The following DIXDC1 variants were observed in gnomAD, a reference collection of about 807,000 sequenced individuals.
The protein encoded by DIXDC1 is dixin.
A neutral mutation model predicts 103.1 loss-of-function variants in DIXDC1; 64 were observed. The ratio of observed to expected loss-of-function variants is 0.62; its 90% confidence interval spans 0.51 to 0.76. DIXDC1 has a LOEUF of 0.76. Ranked by LOEUF, DIXDC1 falls within the 30% of genes least tolerant of loss-of-function variation. The pLI is 0.00. For synonymous variants in DIXDC1, 266 were observed against 298.5 expected (o/e 0.89, Z 1.12); for missense variants, 759 against 834.2 (o/e 0.91, Z 1.11).
chr11:111,939,252 G>A (rs1966334896), intron 1 of DIXDC1, among the ~76,000 whole-genome samples: 1 of 152,318 alleles, frequency 6.6e-6, no homozygotes, highest in South Asian at 2.1e-4. Flanking sequence ...CCTTTCGACT[G>A]AAGAGCCACC....
Position 111,977,826 on chromosome 11 carries a change from G to T in DIXDC1, c.656+2843G>T. ...TGAAGCCACTCTGGCTTTGGAAGTGGGGGGCCTGGGTGGGAACAGGGGCAG... is the reference window on the plus strand; with the variant it reads ...TGAAGCCACTCTGGCTTTGGAAGTGTGGGGCCTGGGTGGGAACAGGGGCAG... On this transcript the variant is annotated intron_variant, in intron 5 of 19. Transcript: ENST00000440460. The surrounding 1 kb of genome is among the most constrained non-coding windows in gnomAD (Gnocchi z 6.1). The T allele has an allele frequency of 1.3e-6, 2 of 1,544,614 alleles. No homozygotes were observed. Among genetic ancestry groups the T allele is most frequent in the East Asian group, 2.5e-5 (1 of 39,782 alleles).
At chr11:111,943,439 C>T (rs1316071360) in intron 1 of DIXDC1, among the ~76,000 whole-genome samples, 5 of 150,664 alleles carry the variant, frequency 3.3e-5, no homozygotes, top group African/African-American at 4.9e-5. Context: ...CCACCGCGCC[C>T]GGCTACGATT....
At chr11:111,950,810 G>A (rs1966780231) in intron 1 of DIXDC1, among the ~76,000 whole-genome samples, 1 of 152,078 alleles carries the variant, frequency 6.6e-6, no homozygotes, top group South Asian at 2.1e-4. Context: ...GGCTTATGAT[G>A]TATAATAATC....
intron 2 of DIXDC1, among the ~76,000 whole-genome samples, chr11:111,967,033 T>C (rs1859762234): frequency 6.6e-6 from 1 of 152,226 alleles, no homozygotes; most frequent in Non-Finnish European, 1.5e-5. Flanking sequence ...ACTTCTAGTT[T>C]TCTTCCTTCC....
chr11:111,944,613 T>G (rs1442233692), intron 1 of DIXDC1, among the ~76,000 whole-genome samples: 1 of 152,210 alleles, frequency 6.6e-6, no homozygotes, highest in Non-Finnish European at 1.5e-5. Context: ...ACTAGAAGAC[T>G]TTTACCTAAA....
At position 111,977,247 on chromosome 11, in the gene DIXDC1, A is replaced by G. The variant is rs1860134065; in HGVS notation, c.656+2264A>G. The stretch of plus-strand genomic sequence containing the variant: ...GGCCAGCGGAGCTGGCTTGGGTCGG[A>G]GCCCGGCTGCCTCGCCGCGTGTGAC... On this transcript the variant is annotated intron_variant, in intron 5 of 19. Coordinates refer to ENST00000440460, the MANE Select transcript of DIXDC1 (RefSeq NM_001037954.4). This position sits in a 1 kb window ranked among gnomAD's most constrained non-coding sequence, Gnocchi z 6.1. The G allele has an allele frequency of 1.0e-6, 1 of 998,416 alleles. No homozygotes were observed. Among genetic ancestry groups the G allele is most frequent in the Non-Finnish European group, 1.2e-6 (1 of 840,306 alleles). 61.8% of individuals were successfully genotyped at this position (998,416 alleles called of 1,614,324 possible). A position where few individuals can be genotyped will look rare whatever the true frequency, so the allele number is the denominator to read the frequency against.
At chr11:111,994,498 T>C (rs1555175054) in intron 14 of DIXDC1, among the ~76,000 whole-genome samples, 1 of 151,318 alleles carries the variant, frequency 6.6e-6, no homozygotes, top group Non-Finnish European at 1.5e-5. Flanking sequence ...CACACATATA[T>C]ACATACATAT....
At chr11:111,996,013 G>T in intron 16 of DIXDC1, 67 bp from the exon 17 acceptor site, 1 of 1,447,240 alleles carries the variant, frequency 6.9e-7, no homozygotes, top group South Asian at 1.2e-5. Flanking sequence ...ACACTTTTAT[G>T]ATTTAAATTT....
chr11:111,959,788 C>T (rs1566488680), intron 1 of DIXDC1, among the ~76,000 whole-genome samples: 1 of 152,148 alleles, frequency 6.6e-6, no homozygotes, highest in African/African-American at 2.4e-5. Context: ...TTTGCTAAGT[C>T]TAAGATTGTT....
At chr11:111,994,606 A>G (rs1555175083) in intron 14 of DIXDC1, among the ~76,000 whole-genome samples, 1 of 148,330 alleles carries the variant, frequency 6.7e-6, no homozygotes, top group African/African-American at 2.6e-5. Flanking sequence ...ATATGTATGT[A>G]TGTATATGTA....
intron 5 of DIXDC1, among the ~76,000 whole-genome samples, chr11:111,979,458 G>A (rs771009946): frequency 1.5e-4 from 23 of 152,310 alleles, no homozygotes; most frequent in African/African-American, 5.3e-4. Flanking sequence ...GGCTGGGCCC[G>A]GAGACCCCTC....
intron 1 of DIXDC1, among the ~76,000 whole-genome samples, chr11:111,961,822 A>G (rs1859588794): frequency 6.6e-6 from 1 of 152,258 alleles, no homozygotes; most frequent in South Asian, 2.1e-4. Context: ...TTTGTTGAGC[A>G]CCTGCTACTC....
Position 111,977,576 on chromosome 11 carries a change from C to CGAG in DIXDC1, c.656+2594_656+2596dup. On this transcript the variant is annotated intron_variant, in intron 5 of 19. Coordinates refer to ENST00000440460, the MANE Select transcript of DIXDC1 (RefSeq NM_001037954.4). The surrounding 1 kb of genome is among the most constrained non-coding windows in gnomAD (Gnocchi z 6.1). ...CCTGGAGCATCCCAGTCGCTGGGGC[C>CGAG]GAGACGCCGCCGCCGCCGCCGTTCC... The CGAG allele has an allele frequency of 6.7e-7, 1 of 1,496,646 alleles. No individual in the cohort carries two copies. The highest frequency in any genetic ancestry group is 8.9e-7 in the Non-Finnish European group (1 of 1,122,050). 92.7% of individuals were successfully genotyped at this position (1,496,646 alleles called of 1,614,324 possible).
In DIXDC1 at chr11:112,020,006, C is replaced by T. The variant is rs920102419; in HGVS notation, c.*970C>T. Reference sequence around the variant, plus strand: ...TACTGAGCATGAAGTACTTGTCTGCCCCTCATTTCAAGGCCAGAGTTATTT... The same window carrying T: ...TACTGAGCATGAAGTACTTGTCTGCTCCTCATTTCAAGGCCAGAGTTATTT... On this transcript the variant is annotated 3_prime_UTR_variant, in exon 20 of 20. Transcript: ENST00000440460. 19 of 151,968 alleles carry T rather than the reference C, an allele frequency of 1.3e-4. No individual in the cohort carries two copies. The highest frequency in any genetic ancestry group is 2.6e-4 in the Non-Finnish European group (18 of 68,012). 9.4% of individuals were successfully genotyped at this position (151,968 alleles called of 1,614,324 possible). A position where few individuals can be genotyped will look rare whatever the true frequency, so the allele number is the denominator to read the frequency against.
intron 10 of DIXDC1, among the ~76,000 whole-genome samples, chr11:111,991,381 A>G (rs1860708972): frequency 6.6e-6 from 1 of 152,224 alleles, no homozygotes; most frequent in South Asian, 2.1e-4. Flanking sequence ...TTAATGTCCC[A>G]TGGAGCACAT....
intron 1 of DIXDC1, among the ~76,000 whole-genome samples, chr11:111,959,550 C>A (rs1465406085): frequency 6.6e-6 from 1 of 152,238 alleles, no homozygotes; most frequent in Admixed American, 6.5e-5. Flanking sequence ...TTGCCCTTAG[C>A]AGGCACGGGA....
At chr11:111,937,181 A>G (rs1966228501), upstream of DIXDC1, 2 of 1,009,380 alleles carry the variant, frequency 2.0e-6, no homozygotes, top group East Asian at 1.6e-4. Context: ...CGCCCTCGCC[A>G]GCCCGCCTGG....
In DIXDC1 at chr11:111,980,154, A is replaced by G. The variant is rs181548380; in HGVS notation, c.657-583A>G. 3.9e-5 allele frequency among the ~76,000 whole-genome samples: 6 copies of G among 152,188 alleles called. No homozygotes were observed. In the East Asian group the frequency reaches 1.2e-3, roughly 29 times the overall value. On this transcript the variant is annotated intron_variant, in intron 5 of 19. Coordinates refer to ENST00000440460, the MANE Select transcript of DIXDC1 (RefSeq NM_001037954.4). ...GCTCTAGCTCAATTACTGATATATA[A>G]CCGCTCCTCTGCCCAGCCTGGCAAT...
At chr11:111,944,275 CTGCTTTTCTTGTT>C (rs1199227950) in intron 1 of DIXDC1, among the ~76,000 whole-genome samples, 1 of 152,218 alleles carries the variant, frequency 6.6e-6, no homozygotes, top group African/African-American at 2.4e-5. Flanking sequence ...CAAAAGCTCT[CTGCTTTTCTTGTT>C]TGCTTTTCTT....
Sources: allele counts gnomAD v4.1 joint callset (sites outside exome capture counted in the v4.1 genomes callset), GRCh38; gene constraint gnomAD v4.1.1; non-coding constraint Gnocchi (gnomAD v3.1); transcripts MANE v1.5; gene names NCBI Gene and HGNC (gene_info 2026-07-23, HGNC 2026-07-21).